EBF2: variants seen among roughly 807,000 people sequenced by gnomAD.
EBF2 encodes the protein transcription factor COE2.
EBF2 carries 21 observed loss-of-function variants against 72.8 expected under a neutral mutation model. The observed-to-expected ratio is 0.29, with a 90% confidence interval of 0.20 to 0.42. EBF2 has a LOEUF of 0.42. Among genes scored for constraint, EBF2 ranks in the 10% least tolerant of loss-of-function variants. The probability of loss-of-function intolerance (pLI) is 1.00; values close to 1 mark genes in which losing one functional copy is unlikely to be tolerated. For synonymous variants in EBF2, 299 were observed against 274.2 expected, an observed-to-expected ratio of 1.09 and a Z score of -0.89; for missense variants, 637 against 731.2, an observed-to-expected ratio of 0.87 and a Z score of 1.49.
chr8:26,028,606 C>A lies in EBF2; in HGVS notation c.551+4479G>T, dbSNP rs147623844. Among the ~76,000 whole-genome samples, 81 of 152,274 alleles carry A rather than the reference C, an allele frequency of 5.3e-4. 1 individual carries two copies. In the East Asian group the frequency reaches 0.015, roughly 28 times the overall value. ...AGATCACCAGATTATCCTGAGCCCCCCAGAGGCTCACTGGATCGTCAGAGA... is the reference window on the plus strand; with the variant it reads ...AGATCACCAGATTATCCTGAGCCCCACAGAGGCTCACTGGATCGTCAGAGA... On this transcript the variant is annotated intron_variant, in intron 6 of 15. Coordinates refer to ENST00000520164, the MANE Select transcript of EBF2 (RefSeq NM_022659.4).
At chr8:26,024,776 T>C (rs186786502) in intron 6 of EBF2, among the ~76,000 whole-genome samples, 63 of 152,318 alleles carry the variant, frequency 4.1e-4, no homozygotes, top group South Asian at 1.2e-3. Context: ...AAAGCATCTG[T>C]TGTATCATGC....
At chr8:25,955,701 A>C (rs1173091607) in intron 6 of EBF2, among the ~76,000 whole-genome samples, 20 of 152,204 alleles carry the variant, frequency 1.3e-4, no homozygotes, top group Admixed American at 1.3e-3. Context: ...TATGCTCCCA[A>C]TAGCTTGAGC....
intron 6 of EBF2, among the ~76,000 whole-genome samples, chr8:25,912,497 C>CACACACACAA (rs1018117434): frequency 2.3e-5 from 3 of 132,236 alleles, no homozygotes; most frequent in Admixed American, 1.6e-4. Flanking sequence ...CACACACACA[C>CACACACACAA]AACAGGAAGA....
intron 6 of EBF2, among the ~76,000 whole-genome samples, chr8:25,948,669 C>T (rs956475331): frequency 2.0e-5 from 3 of 152,178 alleles, no homozygotes; most frequent in Admixed American, 1.3e-4. Flanking sequence ...AGAACCATGA[C>T]TCATAAAGTA....
chr8:26,021,657 G>T (rs1275745183), intron 6 of EBF2, among the ~76,000 whole-genome samples: 1 of 152,180 alleles, frequency 6.6e-6, no homozygotes, highest in Non-Finnish European at 1.5e-5. Flanking sequence ...AAAAATGATT[G>T]TTTATCTGAA....
chr8:25,889,320 G>A (rs555044562), intron 8 of EBF2, among the ~76,000 whole-genome samples: 1 of 152,308 alleles, frequency 6.6e-6, no homozygotes, highest in Non-Finnish European at 1.5e-5. Flanking sequence ...AACAGACCAT[G>A]ATTTCTTCTT....
At chr8:26,034,643 A>G (rs1197119977) in intron 5 of EBF2, among the ~76,000 whole-genome samples, 1 of 152,212 alleles carries the variant, frequency 6.6e-6, no homozygotes, top group Non-Finnish European at 1.5e-5. Context: ...TCAGGGCTAC[A>G]GACTTCTGAA....
chr8:26,027,205 C>A (rs1201722327), intron 6 of EBF2, among the ~76,000 whole-genome samples: 1 of 152,150 alleles, frequency 6.6e-6, no homozygotes, highest in Admixed American at 6.5e-5. Flanking sequence ...AGTTTCCGTC[C>A]CACAAATCGC....
intron 14 of EBF2, among the ~76,000 whole-genome samples, chr8:25,852,441 T>TC (rs1802001451): frequency 6.6e-6 from 1 of 152,220 alleles, no homozygotes; most frequent in Admixed American, 6.5e-5. Context: ...GGTTTCCCTG[T>TC]CTACAACAGC....
At chr8:25,928,153 T>A (rs567536604) in intron 6 of EBF2, among the ~76,000 whole-genome samples, 1 of 152,218 alleles carries the variant, frequency 6.6e-6, no homozygotes, top group African/African-American at 2.4e-5. Context: ...AAGGTTTTTT[T>A]TAGGTTGAAT....
At chr8:26,023,814 G>A (rs1356175147) in intron 6 of EBF2, among the ~76,000 whole-genome samples, 1 of 152,020 alleles carries the variant, frequency 6.6e-6, no homozygotes, top group Admixed American at 6.6e-5. Flanking sequence ...GTGAAGAGGT[G>A]AGAAAAAAGA....
At chr8:25,848,658 G>A (rs969161684) in intron 15 of EBF2, among the ~76,000 whole-genome samples, 4 of 152,136 alleles carry the variant, frequency 2.6e-5, no homozygotes, top group African/African-American at 9.7e-5. Flanking sequence ...GAGGAGGTGG[G>A]GAAGGGGTGA....
chr8:26,013,188 G>T (rs1235493746), intron 6 of EBF2, among the ~76,000 whole-genome samples: 1 of 152,188 alleles, frequency 6.6e-6, no homozygotes, highest in African/African-American at 2.4e-5. Flanking sequence ...TACAGTTCCA[G>T]TTAATAGATG....
chr8:25,847,049 T>A (rs1054862306), intron 15 of EBF2, among the ~76,000 whole-genome samples: 1 of 152,190 alleles, frequency 6.6e-6, no homozygotes, highest in South Asian at 2.1e-4. Flanking sequence ...GGAATCTGCA[T>A]GTCTGGGTTC....
chr8:25,984,119 G>A (rs567149352), intron 6 of EBF2, among the ~76,000 whole-genome samples: 22 of 152,282 alleles, frequency 1.4e-4, no homozygotes, highest in African/African-American at 5.1e-4. Flanking sequence ...GTGTACTTGT[G>A]TGTAAACTAG....
At chr8:25,995,613 G>C (rs543438839) in intron 6 of EBF2, among the ~76,000 whole-genome samples, 3 of 152,154 alleles carry the variant, frequency 2.0e-5, no homozygotes, top group Admixed American at 1.3e-4. Flanking sequence ...CACTGAAAAT[G>C]AATGAATTTT....
At chr8:26,005,436 T>TTATA (rs1804847613) in intron 6 of EBF2, among the ~76,000 whole-genome samples, 3 of 9,274 alleles carry the variant, frequency 3.2e-4, no homozygotes, top group Non-Finnish European at 6.3e-4. Flanking sequence ...ATTATATATA[T>TTATA]TATATTATAA....
intron 6 of EBF2, among the ~76,000 whole-genome samples, chr8:25,940,032 A>G (rs1803643540): frequency 6.6e-6 from 1 of 152,246 alleles, no homozygotes; most frequent in South Asian, 2.1e-4. Flanking sequence ...AATGATATCT[A>G]AGCCCCTTCC....
chr8:25,846,619 G>A (rs562412716), intron 15 of EBF2, among the ~76,000 whole-genome samples: 1 of 152,282 alleles, frequency 6.6e-6, no homozygotes, highest in South Asian at 2.1e-4. Flanking sequence ...AGCCCAGGAG[G>A]TCAAGGCTGC....
Sources: allele counts gnomAD v4.1 joint callset (sites outside exome capture counted in the v4.1 genomes callset), GRCh38; gene constraint gnomAD v4.1.1; transcripts MANE v1.5; gene names NCBI Gene and HGNC (gene_info 2026-07-23, HGNC 2026-07-21).